The following DAAM1 variants were observed in gnomAD, a reference collection of about 807,000 sequenced individuals.
DAAM1 encodes dishevelled associated activator of morphogenesis 1.
In DAAM1, 52 loss-of-function variants were observed where a neutral mutation model predicts 130.0. The observed-to-expected ratio is 0.40, with a 90% CI of 0.32 to 0.50. DAAM1 has a LOEUF of 0.50. Ranked by LOEUF, DAAM1 falls within the 20% of genes least tolerant of loss-of-function variation. The pLI, the probability that DAAM1 is intolerant of heterozygous loss-of-function variation, is 0.61. For synonymous variants in DAAM1, 452 were observed against 444.5 expected, an observed-to-expected ratio of 1.02 and a Z score of -0.21; for missense variants, 1,134 against 1,303.8, an observed-to-expected ratio of 0.87 and a Z score of 2.01.
intron 17 of DAAM1, among the ~76,000 whole-genome samples, chr14:59,347,947 G>A (rs1486550249): frequency 1.3e-5 from 2 of 152,080 alleles, no homozygotes; most frequent in African/African-American, 2.4e-5. Context: ...CAGGAATATC[G>A]AGAATCTCAC....
chr14:59,291,410 C>A, intron 3 of DAAM1, 104 bp downstream of exon 3: 1 of 909,184 alleles, frequency 1.1e-6, no homozygotes, highest in South Asian at 1.7e-5. Flanking sequence ...AATATGAAAA[C>A]CAGATTGAAT....
intron 1 of DAAM1, among the ~76,000 whole-genome samples, chr14:59,205,451 C>A (rs917711036): frequency 6.6e-6 from 1 of 152,146 alleles, no homozygotes; most frequent in Non-Finnish European, 1.5e-5. Flanking sequence ...TTGCTGAGAT[C>A]TTTGACCTGA....
At position 59,368,750 on chromosome 14, in the gene DAAM1, G is replaced by C; in HGVS notation, c.3098G>C (p.Gly1033Ala). The C allele has an allele frequency of 1.2e-6, 2 of 1,614,026 alleles. No homozygotes were observed. The highest frequency in any genetic ancestry group is 1.7e-6 in the Non-Finnish European group (2 of 1,179,952). ...GACCTTGTTTCAGCTTTACGCTCAGGAGAAGTGTTTGACAAAGACCTTTCT... is the reference window on the plus strand; with the variant it reads ...GACCTTGTTTCAGCTTTACGCTCAGCAGAAGTGTTTGACAAAGACCTTTCT... ...FDDLVSALRS[G>A]EVFDKDLSKL... The change falls in exon 25 of 25, where the codon GGA becomes GCA. Residue 1033 changes from glycine (G) to alanine (A), a missense_variant. Gly to Ala is a moderately conservative substitution (Grantham distance 60). Coordinates refer to ENST00000360909, the MANE Select transcript of DAAM1 (RefSeq NM_001270520.2).
intron 16 of DAAM1, 81 bp from the exon 17 acceptor site, chr14:59,347,458 G>A: frequency 2.3e-6 from 3 of 1,305,016 alleles, no homozygotes; most frequent in Non-Finnish European, 3.2e-6. Flanking sequence ...TTGAAAATCA[G>A]CAGCTGGGGT....
intron 1 of DAAM1, among the ~76,000 whole-genome samples, chr14:59,225,304 G>A (rs985650041): frequency 1.3e-5 from 2 of 152,100 alleles, no homozygotes; most frequent in Admixed American, 6.5e-5. Context: ...GGGATTACAG[G>A]CATAAGCCAC....
chr14:59,215,746 G>A (rs1888558025), intron 1 of DAAM1, among the ~76,000 whole-genome samples: 1 of 152,174 alleles, frequency 6.6e-6, no homozygotes, highest in African/African-American at 2.4e-5. Context: ...GGTGGGGGTT[G>A]AGGTAGATAA....
intron 2 of DAAM1, 91 bp from the exon 3 acceptor site, chr14:59,291,126 T>G (rs1883722495): frequency 1.9e-6 from 2 of 1,030,102 alleles, no homozygotes; most frequent in South Asian, 1.6e-5. Context: ...GTTTGTGTTT[T>G]TGTTTTTTTT....
At chr14:59,324,071 A>G in intron 6 of DAAM1, 57 bp from the exon 7 acceptor site, 2 of 1,169,936 alleles carry the variant, frequency 1.7e-6, no homozygotes, top group Non-Finnish European at 1.1e-6. Flanking sequence ...AAAAAAATTC[A>G]TAAAATGAGC....
At chr14:59,265,199 C>T (rs983537550) in intron 2 of DAAM1, 1 of 152,170 alleles carries the variant, frequency 6.6e-6, no homozygotes, top group African/African-American at 2.4e-5. Flanking sequence ...GAAAGATAAG[C>T]CAATATGAGA....
intron 1 of DAAM1, among the ~76,000 whole-genome samples, chr14:59,241,895 CTCTT>C: frequency 6.6e-6 from 1 of 152,286 alleles, no homozygotes; most frequent in East Asian, 1.9e-4. Flanking sequence ...CTCTCTCTCT[CTCTT>C]TTTTTTCCCC....
intron 3 of DAAM1, among the ~76,000 whole-genome samples, chr14:59,314,552 T>C (rs1884713651): frequency 6.6e-6 from 1 of 151,860 alleles, no homozygotes; most frequent in Admixed American, 6.6e-5. Flanking sequence ...CTGGGGGGCT[T>C]AGGGGCTGGC....
intron 1 of DAAM1, among the ~76,000 whole-genome samples, chr14:59,255,645 A>C (rs149521471): frequency 6.6e-6 from 1 of 152,280 alleles, no homozygotes; most frequent in Non-Finnish European, 1.5e-5. Flanking sequence ...GTGGCAACTA[A>C]AGTGGAGGGT....
intron 1 of DAAM1, among the ~76,000 whole-genome samples, chr14:59,259,484 A>ACTGCCTTCCTGCC (rs2139498404): frequency 6.6e-6 from 1 of 152,238 alleles, no homozygotes; most frequent in Admixed American, 6.5e-5. Flanking sequence ...TAGCCTGAAC[A>ACTGCCTTCCTGCC]CTGCCTTCCT....
chr14:59,266,581 A>T (rs1490793534), intron 2 of DAAM1, among the ~76,000 whole-genome samples: 1 of 152,244 alleles, frequency 6.6e-6, no homozygotes, highest in Non-Finnish European at 1.5e-5. Context: ...AAACCATTGG[A>T]GAACAAATTA....
chr14:59,351,009 C>A (rs981899904), intron 17 of DAAM1, among the ~76,000 whole-genome samples: 2 of 152,144 alleles, frequency 1.3e-5, no homozygotes, highest in African/African-American at 4.8e-5. Flanking sequence ...TCATTACTTG[C>A]TTCCATGCAA....
intron 1 of DAAM1, among the ~76,000 whole-genome samples, chr14:59,207,602 A>G (rs190278846): frequency 9.2e-5 from 14 of 152,322 alleles, no homozygotes; most frequent in Admixed American, 7.2e-4. Flanking sequence ...CAAAAATTCT[A>G]CTCTATGCTT....
At chr14:59,287,537 C>T (rs980542965) in intron 2 of DAAM1, among the ~76,000 whole-genome samples, 2 of 152,294 alleles carry the variant, frequency 1.3e-5, no homozygotes, top group South Asian at 2.1e-4. Flanking sequence ...CCCATAGACT[C>T]TGCCAGAAGG....
chr14:59,343,111 G>A (rs1885917929), intron 16 of DAAM1, among the ~76,000 whole-genome samples: 1 of 152,218 alleles, frequency 6.6e-6, no homozygotes, highest in African/African-American at 2.4e-5. Flanking sequence ...CTCCTAGGAT[G>A]TGTGCAGCCC....
chr14:59,254,314 GA>G (rs1332748339), intron 1 of DAAM1, among the ~76,000 whole-genome samples: 1 of 152,192 alleles, frequency 6.6e-6, no homozygotes, highest in African/African-American at 2.4e-5. Flanking sequence ...GGTGATTCAG[GA>G]AAGTTGCATT....
Sources: gnomAD v4.1 joint callset for allele counts (sites outside exome capture counted in the v4.1 genomes callset) on GRCh38, gnomAD v4.1.1 for gene constraint, MANE v1.5 for transcripts, NCBI Gene and HGNC (gene_info 2026-07-23, HGNC 2026-07-21) for gene names.